Variants in PAGE2B observed in about 807,000 individuals in gnomAD.
PAGE2B encodes the protein PAGE family member 2B, also known as putative G antigen family E member 3.
PAGE2B carries 5 observed loss-of-function variants against 7.6 expected under a neutral mutation model. That is an observed-to-expected ratio of 0.66 (90% CI 0.34 to 1.38). The LOEUF is 1.38. PAGE2B is among the 40% of genes most tolerant of loss of function. The pLI, the probability that PAGE2B is intolerant of heterozygous loss-of-function variation, is 0.04. For missense variants in PAGE2B, 70 were observed against 78.4 expected (o/e 0.89, Z 0.41); for synonymous variants, 29 against 26.7 (o/e 1.09, Z -0.27).
the PAGE2B span, among the ~76,000 whole-genome samples, chrX:55,047,050 G>T: frequency 3.6e-5 from 4 of 110,496 alleles, no homozygotes. Context: ...TTAACATTAG[G>T]TATATCTCCT....
chrX:55,054,345 A>G, the PAGE2B span, among the ~76,000 whole-genome samples: 21 of 112,810 alleles, frequency 1.9e-4, no homozygotes, highest in Admixed American at 2.8e-4. Flanking sequence ...TCCAAAGAAA[A>G]CAGCAGTTCA....
At chrX:55,049,742 C>T in the PAGE2B span, among the ~76,000 whole-genome samples, 1 of 110,872 alleles carries the variant, frequency 9.0e-6, no homozygotes, top group Non-Finnish European at 1.9e-5. Context: ...TTTTGTTGAT[C>T]TTTTCAAAAA....
At chrX:55,048,551 T>C in the PAGE2B span, among the ~76,000 whole-genome samples, 4 of 111,756 alleles carry the variant, frequency 3.6e-5, no homozygotes, top group Admixed American at 1.9e-4. Context: ...CTAGGTATTT[T>C]ATTCTCTTTG....
the PAGE2B span, among the ~76,000 whole-genome samples, chrX:55,062,056 AT>A: frequency 8.9e-6 from 1 of 111,862 alleles, no homozygotes; most frequent in Non-Finnish European, 1.9e-5. Context: ...TGCTGTAAAC[AT>A]GGGAATGCAC....
chrX:55,031,005 A>G, the PAGE2B span: 1 of 340,106 alleles, frequency 2.9e-6, no homozygotes, highest in Non-Finnish European at 5.9e-6. Context: ...CCTGGCATTT[A>G]TCCCTTCTCC....
At chrX:55,037,042 C>T in the PAGE2B span, among the ~76,000 whole-genome samples, 1 of 111,167 alleles carries the variant, frequency 9.0e-6, no homozygotes, top group African/African-American at 3.3e-5. Context: ...AAAGCCAAAA[C>T]AGACAAATGG....
chrX:55,039,881 T>C, the PAGE2B span, among the ~76,000 whole-genome samples: 1 of 111,988 alleles, frequency 8.9e-6, no homozygotes, highest in Admixed American at 9.5e-5. Flanking sequence ...CACTTGCTTA[T>C]TGCTTTCCAT....
At chrX:55,050,552 C>G in the PAGE2B span, among the ~76,000 whole-genome samples, 1 of 110,643 alleles carries the variant, frequency 9.0e-6, no homozygotes, top group Non-Finnish European at 1.9e-5. Context: ...GATCCCTTTA[C>G]CATTATGTAA....
the PAGE2B span, among the ~76,000 whole-genome samples, chrX:55,063,506 A>C: frequency 1.8e-5 from 2 of 111,258 alleles, no homozygotes; most frequent in Non-Finnish European, 3.8e-5. Flanking sequence ...ACATCTCTGC[A>C]AACAAGGATG....
the PAGE2B span, among the ~76,000 whole-genome samples, chrX:55,050,126 G>A: frequency 1.8e-5 from 2 of 112,698 alleles, no homozygotes; most frequent in African/African-American, 6.4e-5. Flanking sequence ...TTTTCAGTGA[G>A]TTTCTTAATC....
At chrX:55,073,039 G>A (rs1936465404), upstream of PAGE2B, among the ~76,000 whole-genome samples, 1 of 111,389 alleles carries the variant, frequency 9.0e-6, no homozygotes, top group Non-Finnish European at 1.9e-5. Flanking sequence ...AGACCACCTG[G>A]TTCCCCGGAT....
At chrX:55,062,582 G>C in the PAGE2B span, among the ~76,000 whole-genome samples, 1 of 111,408 alleles carries the variant, frequency 9.0e-6, no homozygotes, top group Non-Finnish European at 1.9e-5. Flanking sequence ...TTCCTTTGCT[G>C]TGCAGAAGCT....
chrX:55,058,648 G>A, the PAGE2B span, among the ~76,000 whole-genome samples: 4 of 111,097 alleles, frequency 3.6e-5, no homozygotes, highest in African/African-American at 1.3e-4. Flanking sequence ...TCACAGGCTA[G>A]GCTTGCTTTC....
chrX:55,047,034 C>T, the PAGE2B span, among the ~76,000 whole-genome samples: 2 of 110,737 alleles, frequency 1.8e-5, no homozygotes, highest in African/African-American at 3.3e-5. Flanking sequence ...CCCATTAACT[C>T]GTCATTTAAC....
the PAGE2B span, among the ~76,000 whole-genome samples, chrX:55,061,807 T>C: frequency 3.6e-5 from 4 of 111,531 alleles, no homozygotes; most frequent in African/African-American, 1.3e-4. Context: ...AGTTCAATTA[T>C]TTTAATTTTT....
At chrX:55,074,897 A>G (rs1030751423), upstream of PAGE2B, among the ~76,000 whole-genome samples, 3 of 112,608 alleles carry the variant, frequency 2.7e-5, no homozygotes, top group African/African-American at 9.7e-5. Flanking sequence ...CCACAGACGC[A>G]GGAAAACATC....
At chrX:55,072,679 T>TG (rs1376011943), upstream of PAGE2B, among the ~76,000 whole-genome samples, 2 of 112,385 alleles carry the variant, frequency 1.8e-5, no homozygotes, top group Admixed American at 1.9e-4. Context: ...AGCCACCTCT[T>TG]CCCCCAGTTG....
At chrX:55,066,547 C>G in the PAGE2B span, among the ~76,000 whole-genome samples, 3 of 111,944 alleles carry the variant, frequency 2.7e-5, no homozygotes, top group East Asian at 2.8e-4. Context: ...ATATTTTCAC[C>G]AGATATACTC....
chrX:55,057,040 A>G, the PAGE2B span, among the ~76,000 whole-genome samples: 2 of 111,473 alleles, frequency 1.8e-5, no homozygotes, highest in Non-Finnish European at 3.8e-5. Context: ...AAGGAAGACA[A>G]GGGGGTAGGA....
Sources: allele counts gnomAD v4.1 joint callset (sites outside exome capture counted in the v4.1 genomes callset), GRCh38; gene constraint gnomAD v4.1.1; transcripts MANE v1.5; gene names NCBI Gene and HGNC (gene_info 2026-07-23, HGNC 2026-07-21).